STX7: variants seen among roughly 807,000 people sequenced by gnomAD.
STX7 encodes the protein syntaxin 7.
In STX7, 34 loss-of-function variants were observed where a neutral mutation model predicts 39.6. The ratio of observed to expected loss-of-function variants is 0.86; its 90% CI spans 0.65 to 1.14. The LOEUF (loss-of-function observed/expected upper bound fraction) is 1.14. STX7 is among the 50% of genes most tolerant of loss of function. The pLI is 0.00. For missense variants in STX7, 284 were observed against 310.4 expected (o/e 0.92, Z 0.64); for synonymous variants, 119 against 99.1 (o/e 1.20, Z -1.19).
In STX7 at chr6:132,451,268, G is replaced by A. The variant is rs1211576683; in HGVS notation, c.*9490C>T. 6.6e-6 allele frequency: 1 copy of A among 152,058 alleles called. No homozygotes were observed. Among genetic ancestry groups the A allele is most frequent in the African/African-American group, 2.4e-5 (1 of 41,388 alleles). 9.4% of individuals were successfully genotyped at this position (152,058 alleles called of 1,614,324 possible). A position where few individuals can be genotyped will look rare whatever the true frequency, so the allele number is the denominator to read the frequency against. On this transcript the variant is annotated 3_prime_UTR_variant, in exon 10 of 10. Coordinates refer to ENST00000367941, the MANE Select transcript of STX7 (RefSeq NM_003569.3). ...TGCACCACCATGCCGGCTAATTTTTGTATTTTTAGTAGAGGCGGGGTTTCG... is the reference window on the plus strand; with the variant it reads ...TGCACCACCATGCCGGCTAATTTTTATATTTTTAGTAGAGGCGGGGTTTCG...
intron 9 of STX7, among the ~76,000 whole-genome samples, chr6:132,463,239 T>C (rs1428096451): frequency 6.6e-6 from 1 of 152,016 alleles, no homozygotes; most frequent in Non-Finnish European, 1.5e-5. Context: ...AAGAAAATGA[T>C]AATTATGAAT....
intron 9 of STX7, chr6:132,461,938 T>C (rs1469298235): frequency 1.5e-6 from 2 of 1,330,148 alleles, no homozygotes; most frequent in East Asian, 5.1e-5. Flanking sequence ...GATACATTTC[T>C]GAGTCTGAAA....
At chr6:132,463,394 T>C (rs141332925) in intron 9 of STX7, among the ~76,000 whole-genome samples, 11 of 152,344 alleles carry the variant, frequency 7.2e-5, no homozygotes, top group Non-Finnish European at 1.0e-4. Flanking sequence ...GTTCTAATAT[T>C]TGTATAGTAC....
chr6:132,470,406 TTTATAA>T (rs1774684728), intron 6 of STX7, among the ~76,000 whole-genome samples, 162 bp downstream of exon 6: 2 of 152,082 alleles, frequency 1.3e-5, no homozygotes. Flanking sequence ...TAATAAATAC[TTTATAA>T]TTACTTAAAA....
At chr6:132,474,704 C>T (rs1774826920) in intron 3 of STX7, among the ~76,000 whole-genome samples, 1 of 152,244 alleles carries the variant, frequency 6.6e-6, no homozygotes, top group East Asian at 1.9e-4. Flanking sequence ...GTCTATTTCT[C>T]TTACTCTAAT....
rs1255213305 is a variant in STX7 at position 132,452,092 on chromosome 6, TC to T, written c.*8665del. 1 of 152,024 alleles carries T rather than the reference TC, an allele frequency of 6.6e-6. No homozygotes were observed. The highest frequency in any genetic ancestry group is 2.4e-5 in the African/African-American group (1 of 41,394). 9.4% of individuals were successfully genotyped at this position (152,024 alleles called of 1,614,324 possible). A position where few individuals can be genotyped will look rare whatever the true frequency, so the allele number is the denominator to read the frequency against. On this transcript the variant is annotated 3_prime_UTR_variant, in exon 10 of 10. Transcript: ENST00000367941. ...GTAACAATGGCTCAACATTCAAAAA[TC>T]AATCAATGTATCTACCACATGAATG...
At chr6:132,491,270 A>C (rs1775278588) in intron 2 of STX7, among the ~76,000 whole-genome samples, 1 of 151,082 alleles carries the variant, frequency 6.6e-6, no homozygotes, top group Admixed American at 6.6e-5. Flanking sequence ...CACAGGATTA[A>C]AAGAAAAAAA....
intron 1 of STX7, among the ~76,000 whole-genome samples, chr6:132,512,298 GA>G (rs1775866525): frequency 6.6e-6 from 1 of 152,034 alleles, no homozygotes; most frequent in Non-Finnish European, 1.5e-5. Context: ...AAATTTGTGG[GA>G]AAAAACACAC....
chr6:132,470,475 G>T, intron 6 of STX7, 99 bp downstream of exon 6: 2 of 796,026 alleles, frequency 2.5e-6, no homozygotes, highest in African/African-American at 1.8e-5. Context: ...GGATATTTAT[G>T]ATATAATATA....
rs568013260 is a variant in STX7 at position 132,451,894 on chromosome 6, C to T, written c.*8864G>A. The T allele has an allele frequency of 1.2e-4, 19 of 152,256 alleles. No homozygotes were observed. Among genetic ancestry groups the T allele is most frequent in the African/African-American group, 4.6e-4 (19 of 41,548 alleles). 9.4% of individuals were successfully genotyped at this position (152,256 alleles called of 1,614,324 possible). A position where few individuals can be genotyped will look rare whatever the true frequency, so the allele number is the denominator to read the frequency against. ...ATTCTATACAATCCGCTTTAGAAAA[C>T]AGAAGAGAAAGGAATACTTTCCAGT... On this transcript the variant is annotated 3_prime_UTR_variant, in exon 10 of 10. Coordinates refer to ENST00000367941, the MANE Select transcript of STX7 (RefSeq NM_003569.3).
At position 132,450,687 on chromosome 6, in the gene STX7, G is replaced by A. The variant is rs980484960; in HGVS notation, c.*10071C>T. ...AGCAGAATGGAAGCTACTGCAGAAAGAATGAATAAATCTGAAGATAAAATG... is the reference window on the plus strand; with the variant it reads ...AGCAGAATGGAAGCTACTGCAGAAAAAATGAATAAATCTGAAGATAAAATG... On this transcript the variant is annotated 3_prime_UTR_variant, in exon 10 of 10. Coordinates refer to ENST00000367941, the MANE Select transcript of STX7 (RefSeq NM_003569.3). 5 of 152,102 alleles carry A rather than the reference G, an allele frequency of 3.3e-5. No individual in the cohort carries two copies. Among genetic ancestry groups the A allele is most frequent in the African/African-American group, 1.2e-4 (5 of 41,442 alleles). The allele number at this position is 152,102 out of a possible 1,614,324, so 9.4% of individuals were successfully genotyped here. A position where few individuals can be genotyped will look rare whatever the true frequency, so the allele number is the denominator to read the frequency against.
intron 1 of STX7, among the ~76,000 whole-genome samples, chr6:132,505,945 A>G (rs1775696547): frequency 6.6e-6 from 1 of 152,148 alleles, no homozygotes; most frequent in Non-Finnish European, 1.5e-5. Flanking sequence ...TCACATATCT[A>G]CAGTCAATTG....
At position 132,452,158 on chromosome 6, in the gene STX7, A is replaced by G. The variant is rs1055642889; in HGVS notation, c.*8600T>C. ...AATGGCATTATGTAAATTAAGGCAG[A>G]AAAAGCATTTGACAAAATTCAACAT... On this transcript the variant is annotated 3_prime_UTR_variant, in exon 10 of 10. Coordinates refer to ENST00000367941, the MANE Select transcript of STX7 (RefSeq NM_003569.3). The G allele has an allele frequency of 2.6e-5, 4 of 152,216 alleles. No individual in the cohort carries two copies. The highest frequency in any genetic ancestry group is 4.8e-5 in the African/African-American group (2 of 41,458). The allele number at this position is 152,216 out of a possible 1,614,324, so 9.4% of individuals were successfully genotyped here. A position where few individuals can be genotyped will look rare whatever the true frequency, so the allele number is the denominator to read the frequency against.
chr6:132,469,005 A>C (rs1369060290), intron 7 of STX7, among the ~76,000 whole-genome samples: 2 of 152,218 alleles, frequency 1.3e-5, no homozygotes, highest in Non-Finnish European at 2.9e-5. Context: ...TGGTGATTAA[A>C]TATAAATTTA....
intron 2 of STX7, among the ~76,000 whole-genome samples, chr6:132,495,521 C>T (rs1468030912): frequency 6.6e-6 from 1 of 152,046 alleles, no homozygotes; most frequent in Non-Finnish European, 1.5e-5. Flanking sequence ...CCTTCCCATC[C>T]CACCAACAGA....
chr6:132,460,960 G>T, intron 9 of STX7, 110 bp from the exon 10 acceptor site: 1 of 823,780 alleles, frequency 1.2e-6, no homozygotes, highest in Non-Finnish European at 1.9e-6. Flanking sequence ...AAAATCAGTA[G>T]TAGTATATTG....
chr6:132,480,001 AT>A, intron 2 of STX7, among the ~76,000 whole-genome samples: 1 of 152,216 alleles, frequency 6.6e-6, no homozygotes, highest in East Asian at 1.9e-4. Flanking sequence ...AGAATTTTAT[AT>A]TCACTTCAAT....
intron 6 of STX7, 105 bp downstream of exon 6, chr6:132,470,469 A>G: frequency 1.3e-6 from 1 of 760,492 alleles, no homozygotes; most frequent in East Asian, 3.0e-5. Flanking sequence ...AACTTAGGAT[A>G]TTTATGATAT....
At chr6:132,479,833 C>G (rs9483459) in intron 2 of STX7, among the ~76,000 whole-genome samples, 1 of 152,002 alleles carries the variant, frequency 6.6e-6, no homozygotes, top group Admixed American at 6.5e-5. Context: ...CACATCCATA[C>G]GCTCTACAGA....
Sources: allele counts gnomAD v4.1 joint callset (sites outside exome capture counted in the v4.1 genomes callset), GRCh38; gene constraint gnomAD v4.1.1; transcripts MANE v1.5; gene names NCBI Gene and HGNC (gene_info 2026-07-23, HGNC 2026-07-21).